The following FRS2 variants were observed in gnomAD, a reference collection of about 807,000 sequenced individuals.
FRS2 encodes the protein fibroblast growth factor receptor substrate 2.
In FRS2, 8 loss-of-function variants were observed where a neutral mutation model predicts 43.9. That is an observed-to-expected ratio of 0.18 (90% CI 0.11 to 0.33). FRS2 has a LOEUF of 0.33. FRS2 is among the 10% of genes least tolerant of loss of function. The pLI is 1.00. For synonymous variants in FRS2, 219 were observed against 220.3 expected, an observed-to-expected ratio of 0.99 and a Z score of 0.05; for missense variants, 534 against 627.6, an observed-to-expected ratio of 0.85 and a Z score of 1.59.
At chr12:69,520,979 A>T (rs1875582277) in intron 1 of FRS2, among the ~76,000 whole-genome samples, 1 of 151,950 alleles carries the variant, frequency 6.6e-6, no homozygotes, top group South Asian at 2.1e-4. Flanking sequence ...GGTAGTTGAT[A>T]AATTGCTTTG....
intron 1 of FRS2, among the ~76,000 whole-genome samples, chr12:69,509,821 A>G (rs1191114952): frequency 1.3e-5 from 2 of 152,114 alleles, no homozygotes; most frequent in East Asian, 3.9e-4. Flanking sequence ...AAAAACTCCT[A>G]TAACTTTTTA....
At chr12:69,538,581 G>T (rs1439305717) in intron 3 of FRS2, among the ~76,000 whole-genome samples, 1 of 152,044 alleles carries the variant, frequency 6.6e-6, no homozygotes, top group Admixed American at 6.6e-5. Flanking sequence ...AGGAGTGTGT[G>T]TGGGGGTGGT....
chr12:69,492,506 A>G lies in FRS2; in HGVS notation c.-261+21976A>G, dbSNP rs897746234. 7.2e-5 allele frequency among the ~76,000 whole-genome samples: 11 copies of G among 152,354 alleles called. No homozygotes were observed. The South Asian group carries it at 1.2e-3, about 17-fold the overall frequency. ...CTGAGAAAAAGGAAATGGAATGGAA[A>G]AGAAGATTTCTAGGGATAAGACAAA... On this transcript the variant is annotated intron_variant, in intron 1 of 8. Coordinates refer to ENST00000549921, the MANE Select transcript of FRS2 (RefSeq NM_001278356.2).
Position 69,574,371 on chromosome 12 carries a change from C to T in FRS2, c.943C>T (p.Pro315Ser). Residue 315 changes from proline (P) to serine (S), a missense_variant, in exon 9 of 9, where the codon CCT (proline) becomes TCT (serine). Physicochemically the swap from Pro to Ser is moderately conservative, Grantham distance 74. Transcript: ENST00000549921. ...VYENINGLSI[P>S]SASGVRRGRL... ...TGAAAATATAAATGGGCTATCTATC[C>T]CTAGTGCCTCAGGGGTCAGGAGAGG... The T allele has an allele frequency of 1.2e-6, 2 of 1,613,438 alleles. No homozygotes were observed. The highest frequency in any genetic ancestry group is 1.7e-6 in the Non-Finnish European group (2 of 1,179,656).
chr12:69,512,362 A>C (rs762737711), intron 1 of FRS2, among the ~76,000 whole-genome samples: 1 of 152,208 alleles, frequency 6.6e-6, no homozygotes, highest in Non-Finnish European at 1.5e-5. Context: ...GCTTCTCATA[A>C]AACACAAATA....
chr12:69,561,565 T>C (rs756055879), intron 3 of FRS2, among the ~76,000 whole-genome samples: 1 of 152,226 alleles, frequency 6.6e-6, no homozygotes, highest in Non-Finnish European at 1.5e-5. Flanking sequence ...AAAAATACAT[T>C]GAAATCTCTT....
rs71094716 is a variant in FRS2 at position 69,485,082 on chromosome 12, A to AACACACACACACACACAC, written c.-261+14589_-261+14606dup. On this transcript the variant is annotated intron_variant, in intron 1 of 8. Transcript: ENST00000549921. ...GAAACATAGTAAGACCTCATCTTAA[A>AACACACACACACACACAC]ACACACACACACACACACACACACA... 2.9e-3 allele frequency among the ~76,000 whole-genome samples: 248 copies of AACACACACACACACACAC among 85,300 alleles called. 1 individual carries two copies. The highest frequency in any genetic ancestry group is 8.6e-3 in the East Asian group (15 of 1,754). 56.0% of individuals were successfully genotyped at this position (85,300 alleles called of 152,430 possible).
At chr12:69,515,887 C>T (rs1874958017) in intron 1 of FRS2, among the ~76,000 whole-genome samples, 1 of 144,996 alleles carries the variant, frequency 6.9e-6, no homozygotes. Flanking sequence ...GACCGCCCCA[C>T]CCCCACCCCC....
chr12:69,546,370 G>A (rs1340388461), intron 3 of FRS2, among the ~76,000 whole-genome samples: 2 of 151,906 alleles, frequency 1.3e-5, no homozygotes, highest in East Asian at 3.9e-4. Context: ...TGATTCTTAC[G>A]TCTCAGCCTC....
In FRS2 at chr12:69,515,562, C is replaced by T. The variant is rs116987401; in HGVS notation, c.-260-15303C>T. The stretch of plus-strand genomic sequence containing the variant: ...GGGAGGAAGGGAAAAACATCCCTCG[C>T]GCTCTCTTGCTGTCTCTCTCTCTCA... On this transcript the variant is annotated intron_variant, in intron 1 of 8. Transcript: ENST00000549921. Among the ~76,000 whole-genome samples the T allele has an allele frequency of 1.0e-3, 158 of 152,114 alleles. 1 individual carries two copies. The highest frequency in any genetic ancestry group is 0.01 in the East Asian group (52 of 5,168).
At chr12:69,573,221 A>T (rs1295097767) in intron 8 of FRS2, among the ~76,000 whole-genome samples, 1 of 152,192 alleles carries the variant, frequency 6.6e-6, no homozygotes, top group South Asian at 2.1e-4. Flanking sequence ...TTTATTTTAT[A>T]TATATGCATT....
chr12:69,505,176 T>G (rs1470956983), intron 1 of FRS2, among the ~76,000 whole-genome samples: 2 of 152,216 alleles, frequency 1.3e-5, no homozygotes, highest in Non-Finnish European at 2.9e-5. Context: ...ATTTCCAGTT[T>G]TTGTTTCTAA....
intron 1 of FRS2, among the ~76,000 whole-genome samples, chr12:69,501,223 C>G (rs1480040451): frequency 6.6e-6 from 1 of 151,874 alleles, no homozygotes; most frequent in East Asian, 1.9e-4. Context: ...CAACCTCCCC[C>G]CTCCCCCTTT....
intron 3 of FRS2, among the ~76,000 whole-genome samples, chr12:69,556,571 C>T (rs1185255098): frequency 6.6e-6 from 1 of 152,168 alleles, no homozygotes; most frequent in Non-Finnish European, 1.5e-5. Context: ...AGTGATCTGC[C>T]TGCCTTGGCC....
In FRS2 at chr12:69,516,468, T is replaced by C. The variant is rs138916427; in HGVS notation, c.-260-14397T>C. On this transcript the variant is annotated intron_variant, in intron 1 of 8. Transcript: ENST00000549921. ...CCGGACCTCAGGTGATCCACCCACC[T>C]CAGCCTCCCAAAGTGCTGGGATTAC... 2.0e-3 allele frequency among the ~76,000 whole-genome samples: 310 copies of C among 152,264 alleles called. 1 individual carries two copies. The highest frequency in any genetic ancestry group is 7.3e-3 in the African/African-American group (302 of 41,552).
chr12:69,545,585 G>A (rs1299515322), intron 3 of FRS2, among the ~76,000 whole-genome samples: 1 of 151,806 alleles, frequency 6.6e-6, no homozygotes, highest in Admixed American at 6.6e-5. Flanking sequence ...TTGAAACCCT[G>A]TCTCTACTAA....
chr12:69,522,308 A>G (rs1050436497), intron 1 of FRS2, among the ~76,000 whole-genome samples: 5 of 149,254 alleles, frequency 3.3e-5, no homozygotes, highest in Admixed American at 6.7e-5. Flanking sequence ...CCTCCTCCTC[A>G]GTTTTTTTGG....
chr12:69,555,845 G>A (rs562808791), intron 3 of FRS2, among the ~76,000 whole-genome samples: 58 of 152,270 alleles, frequency 3.8e-4, no homozygotes, highest in Admixed American at 5.9e-4. Context: ...TAGAAGTAGA[G>A]AATAAATAGG....
At chr12:69,544,566 G>A (rs192401659) in intron 3 of FRS2, among the ~76,000 whole-genome samples, 33 of 152,070 alleles carry the variant, frequency 2.2e-4, no homozygotes, top group East Asian at 1.9e-3. Flanking sequence ...AATTAGCTGG[G>A]CATAGTGGTG....
Sources: allele counts gnomAD v4.1 joint callset (sites outside exome capture counted in the v4.1 genomes callset), GRCh38; gene constraint gnomAD v4.1.1; transcripts MANE v1.5; gene names NCBI Gene and HGNC (gene_info 2026-07-23, HGNC 2026-07-21).